Variants in PRR15L observed in about 807,000 individuals in gnomAD.
The protein encoded by PRR15L is proline rich 15 like, also known as proline-rich protein 15-like protein.
PRR15L carries 1 observed loss-of-function variant against 3.7 expected under a neutral mutation model. That is an observed-to-expected ratio of 0.27 (90% CI 0.09 to 1.27). PRR15L has a LOEUF of 1.27. PRR15L is among the 50% of genes most tolerant of loss of function. PRR15L has a pLI of 0.47. For synonymous variants in PRR15L, 57 were observed against 51.9 expected (o/e 1.10, Z -0.42); for missense variants, 127 against 128.7 (o/e 0.99, Z 0.06).
chr17:47,953,473 A>G (rs945625058), intron 1 of PRR15L, among the ~76,000 whole-genome samples: 1 of 152,156 alleles, frequency 6.6e-6, no homozygotes, highest in Non-Finnish European at 1.5e-5. Context: ...GGCCTGGCCA[A>G]CATGGTGAAA....
At chr17:47,957,322 C>T (rs767845577) in intron 1 of PRR15L, among the ~76,000 whole-genome samples, 1 of 152,230 alleles carries the variant, frequency 6.6e-6, no homozygotes, top group Non-Finnish European at 1.5e-5. Flanking sequence ...CTGCAGGGCC[C>T]CAATGGCACT....
intron 1 of PRR15L, 89 bp from the exon 2 acceptor site, chr17:47,953,352 G>A (rs1281720523): frequency 1.3e-6 from 1 of 782,182 alleles, no homozygotes; most frequent in African/African-American, 1.7e-5. Flanking sequence ...TCCTAATCAT[G>A]GGCTGTTTTA....
Position 47,952,799 on chromosome 17 carries a change from T to C in PRR15L, c.*124A>G. 1 of 985,384 alleles carries C rather than the reference T, an allele frequency of 1.0e-6. No homozygotes were observed. The highest frequency in any genetic ancestry group is 1.7e-5 in the South Asian group (1 of 57,548). The allele number at this position is 985,384 out of a possible 1,614,324, so 61.0% of individuals were successfully genotyped here. On this transcript the variant is annotated 3_prime_UTR_variant, in exon 2 of 2. Transcript: ENST00000300557. ...ACAAACCTAAAAAACAGCCATTTCC[T>C]GCCAGCAGGTATCAACTGGCCCCAC... is the stretch of plus-strand genomic sequence containing the variant.
intron 1 of PRR15L, among the ~76,000 whole-genome samples, chr17:47,954,789 G>A (rs981488223): frequency 7.9e-5 from 12 of 152,158 alleles, no homozygotes; most frequent in Non-Finnish European, 1.5e-4. Flanking sequence ...CCTAGCTGCC[G>A]GCTGTGAAAG....
chr17:47,955,751 G>C (rs546601482), intron 1 of PRR15L, among the ~76,000 whole-genome samples: 18 of 152,302 alleles, frequency 1.2e-4, no homozygotes, highest in Admixed American at 9.8e-4. Flanking sequence ...GGAAGGAGGT[G>C]GGGGAGAGCA....
intron 1 of PRR15L, among the ~76,000 whole-genome samples, chr17:47,956,281 G>A (rs2036128154): frequency 6.6e-6 from 1 of 152,214 alleles, no homozygotes; most frequent in Non-Finnish European, 1.5e-5. Flanking sequence ...TGACCAACAT[G>A]GGGGAACCCC....
At chr17:47,954,790 G>T (rs2036109972) in intron 1 of PRR15L, among the ~76,000 whole-genome samples, 1 of 152,204 alleles carries the variant, frequency 6.6e-6, no homozygotes. Flanking sequence ...CTAGCTGCCG[G>T]CTGTGAAAGC....
intron 1 of PRR15L, among the ~76,000 whole-genome samples, chr17:47,953,677 AAG>A (rs2036098697): frequency 2.0e-5 from 3 of 151,480 alleles, no homozygotes; most frequent in East Asian, 1.9e-4. Flanking sequence ...AAAAAGAAAG[AAG>A]AAGAAGAAGA....
Position 47,953,068 on chromosome 17 carries a change from T to C in PRR15L, c.167A>G (p.Glu56Gly). ...GPNSDFNTRL[E>G]KIVDKSTKGK... is the part of the protein sequence containing the mutation. ...CTTTGTGCTCTTGTCCACAATCTTC[T>C]CCAGGCGGGTGTTAAAGTCGCTGTT... The change falls in exon 2 of 2, where the codon GAG (glutamate) becomes GGG (glycine). Residue 56 changes from glutamate to glycine, a missense_variant. Coordinates refer to ENST00000300557, the MANE Select transcript of PRR15L (RefSeq NM_024320.4). 3 of 1,614,146 alleles carry C rather than the reference T, an allele frequency of 1.9e-6. No homozygotes were observed. Among genetic ancestry groups the C allele is most frequent in the Non-Finnish European group, 1.7e-6 (2 of 1,180,012 alleles).
chr17:47,953,144 C>G lies in PRR15L; in HGVS notation c.91G>C (p.Ala31Pro), dbSNP rs1244901958. The G allele has an allele frequency of 6.2e-7, 1 of 1,614,028 alleles. No homozygotes were observed. The highest frequency in any genetic ancestry group is 1.7e-5 in the Admixed American group (1 of 60,002). Residue 31 changes from alanine to proline, a missense_variant, in exon 2 of 2, where the codon GCC (alanine) becomes CCC (proline). Transcript: ENST00000300557. ...GGTTCTGCATCTCCCTCTGTTTGGG[C>G]ATAGGTGTCAGGGATCTCATACAGC... ...KVLYEIPDTY[A>P]QTEGDAEPPR... is the part of the protein sequence containing the mutation.
rs1317573474 is a variant in PRR15L, at chr17:47,952,495, T to C, written c.*428A>G. ...TCTGGAAAATGTGCCCTCCTCAGGA[T>C]TGGTCCAGGGAGTAGTCACAGGTAG... On this transcript the variant is annotated 3_prime_UTR_variant, in exon 2 of 2. Transcript: ENST00000300557. The C allele has an allele frequency of 6.4e-6, 1 of 156,210 alleles. No homozygotes were observed. Among genetic ancestry groups the C allele is most frequent in the African/African-American group, 2.4e-5 (1 of 41,522 alleles). 9.7% of individuals were successfully genotyped at this position (156,210 alleles called of 1,614,324 possible). A position where few individuals can be genotyped will look rare whatever the true frequency, so the allele number is the denominator to read the frequency against.
rs1369729980 is a variant in PRR15L, at chr17:47,953,156, G to C, written c.79C>G (p.Pro27Ala). ...KSTPKVLYEI[P>A]DTYAQTEGDA... ...CCCTCTGTTTGGGCATAGGTGTCAGGGATCTCATACAGCACTTTGGGAGTG... is the reference window on the plus strand; with the variant it reads ...CCCTCTGTTTGGGCATAGGTGTCAGCGATCTCATACAGCACTTTGGGAGTG... Residue 27 changes from proline (P) to alanine (A), a missense_variant, in exon 2 of 2, where the codon CCT (proline) becomes GCT (alanine). Pro to Ala is a conservative substitution (Grantham distance 27). Coordinates refer to ENST00000300557, the MANE Select transcript of PRR15L (RefSeq NM_024320.4). 1 of 1,613,708 alleles carries C rather than the reference G, an allele frequency of 6.2e-7. No homozygotes were observed. Among genetic ancestry groups the C allele is most frequent in the Non-Finnish European group, 8.5e-7 (1 of 1,179,892 alleles).
At chr17:47,955,935 C>T (rs967428536) in intron 1 of PRR15L, among the ~76,000 whole-genome samples, 11 of 152,234 alleles carry the variant, frequency 7.2e-5, no homozygotes, top group African/African-American at 2.4e-4. Flanking sequence ...TTTCTAGCTC[C>T]AGAGAGAAAA....
In PRR15L at chr17:47,953,819, C is replaced by T. The variant is rs376806608; in HGVS notation, c.-29-556G>A. Among the ~76,000 whole-genome samples the T allele has an allele frequency of 9.4e-4, 143 of 152,288 alleles. 1 individual carries two copies. The highest frequency in any genetic ancestry group is 3.3e-3 in the African/African-American group (138 of 41,554). ...TCAAGGTCAAGACAGGGAAGCCACT[C>T]GCCAGACAGAGAGGCAGTGGGACAG... is the stretch of plus-strand genomic sequence containing the variant. On this transcript the variant is annotated intron_variant, in intron 1 of 1. Coordinates refer to ENST00000300557, the MANE Select transcript of PRR15L (RefSeq NM_024320.4).
chr17:47,953,011 C>A lies in PRR15L; in HGVS notation c.224G>T (p.Arg75Leu), dbSNP rs775765613. 3 of 1,614,160 alleles carry A rather than the reference C, an allele frequency of 1.9e-6. No individual in the cohort carries two copies. Among genetic ancestry groups the A allele is most frequent in the South Asian group, 2.2e-5 (2 of 91,084 alleles). Residue 75 changes from arginine to leucine, a missense_variant, in exon 2 of 2, where the codon CGC becomes CTC. Coordinates refer to ENST00000300557, the MANE Select transcript of PRR15L (RefSeq NM_024320.4). ...GKHVKVSNSG[R>L]FKEKKKVRAT... ...TCTCACTTTCTTCTTCTCCTTGAAG[C>A]GTCCTGAGTTGGAGACCTTGACGTG...
Position 47,952,625 on chromosome 17 carries a change from C to A in PRR15L, c.*298G>T, listed in dbSNP as rs1390809951. ...TCTCCATTCCCTGCCATGCCCACCT[C>A]CCTGCTGGCCCTGCCATTGCTTCAA... On this transcript the variant is annotated 3_prime_UTR_variant, in exon 2 of 2. Coordinates refer to ENST00000300557, the MANE Select transcript of PRR15L (RefSeq NM_024320.4). 1 of 312,386 alleles carries A rather than the reference C, an allele frequency of 3.2e-6. No homozygotes were observed. The highest frequency in any genetic ancestry group is 2.1e-5 in the African/African-American group (1 of 48,048). 19.4% of individuals were successfully genotyped at this position (312,386 alleles called of 1,614,324 possible). A position where few individuals can be genotyped will look rare whatever the true frequency, so the allele number is the denominator to read the frequency against.
chr17:47,953,020 T>G lies in PRR15L; in HGVS notation c.215A>C (p.Asn72Thr), dbSNP rs761688441. 1.9e-6 allele frequency: 3 copies of G among 1,614,050 alleles called. No individual in the cohort carries two copies. The African/African-American group carries it at 4.0e-5, about 22-fold the overall frequency. ...STKGKHVKVS[N>T]SGRFKEKKKV... ...CTTCTTCTCCTTGAAGCGTCCTGAG[T>G]TGGAGACCTTGACGTGCTTGCCCTT... The change falls in exon 2 of 2, where the codon AAC becomes ACC. Residue 72 changes from asparagine (N) to threonine (T), a missense_variant. Transcript: ENST00000300557.
At chr17:47,954,307 C>A (rs1170408027) in intron 1 of PRR15L, among the ~76,000 whole-genome samples, 1 of 152,214 alleles carries the variant, frequency 6.6e-6, no homozygotes, top group Non-Finnish European at 1.5e-5. Flanking sequence ...TACTGTTAAT[C>A]CCTGCCCACA....
chr17:47,955,234 G>C (rs1292486147), intron 1 of PRR15L, among the ~76,000 whole-genome samples: 2 of 152,068 alleles, frequency 1.3e-5, no homozygotes, highest in Admixed American at 1.3e-4. Flanking sequence ...CAGCCCAATA[G>C]TGCCTTTCTT....
Sources: gnomAD v4.1 joint callset for allele counts (sites outside exome capture counted in the v4.1 genomes callset) on GRCh38, gnomAD v4.1.1 for gene constraint, MANE v1.5 for transcripts, NCBI Gene and HGNC (gene_info 2026-07-23, HGNC 2026-07-21) for gene names.